The following PRKG2 variants were observed in gnomAD, a reference collection of about 807,000 sequenced individuals.
The protein encoded by PRKG2 is protein kinase cGMP-dependent 2.
In PRKG2, 33 loss-of-function variants were observed where a neutral mutation model predicts 97.2. The ratio of observed to expected loss-of-function variants is 0.34; its 90% CI spans 0.26 to 0.45. The LOEUF is 0.45. PRKG2 is among the 20% of genes least tolerant of loss of function. The pLI, the probability that PRKG2 is intolerant of heterozygous loss-of-function variation, is 1.00. For missense variants in PRKG2, 638 were observed against 900.0 expected (o/e 0.71, Z 3.73); for synonymous variants, 330 against 321.8 (o/e 1.03, Z -0.27).
intron 14 of PRKG2, 45 bp from the exon 15 acceptor site, chr4:81,110,656 A>C: frequency 1.2e-6 from 2 of 1,604,664 alleles, no homozygotes; most frequent in Non-Finnish European, 1.7e-6. Context: ...CATAAAACTC[A>C]TGCTCCTCTT....
chr4:81,129,448 C>T (rs1745937056), intron 14 of PRKG2, among the ~76,000 whole-genome samples: 1 of 152,200 alleles, frequency 6.6e-6, no homozygotes, highest in South Asian at 2.1e-4. Flanking sequence ...ATGTCTCCCA[C>T]TATTATTGTG....
chr4:81,122,441 T>C (rs1745150799), intron 14 of PRKG2, among the ~76,000 whole-genome samples: 1 of 152,172 alleles, frequency 6.6e-6, no homozygotes, highest in African/African-American at 2.4e-5. Context: ...GTGAGATTCA[T>C]TTTGGAAAAA....
At chr4:81,126,637 GCTTT>G (rs1003175887) in intron 14 of PRKG2, among the ~76,000 whole-genome samples, 3 of 152,126 alleles carry the variant, frequency 2.0e-5, no homozygotes, top group Non-Finnish European at 4.4e-5. Context: ...GTGATGATGA[GCTTT>G]CTTTCATATG....
chr4:81,206,112 A>G (rs1753631571), intron 1 of PRKG2, among the ~76,000 whole-genome samples: 1 of 152,272 alleles, frequency 6.6e-6, no homozygotes, highest in South Asian at 2.1e-4. Context: ...GCAGATAATA[A>G]GCACACACGA....
Position 81,105,918 on chromosome 4 carries a change from A to G in PRKG2, c.1958T>C (p.Val653Ala). 1 of 1,613,620 alleles carries G rather than the reference A, an allele frequency of 6.2e-7. No homozygotes were observed. Among genetic ancestry groups the G allele is most frequent in the Non-Finnish European group, 8.5e-7 (1 of 1,179,700 alleles). Residue 653 changes from valine (V) to alanine (A), a missense_variant, in exon 16 of 19, where the codon GTT (valine) becomes GCT (alanine). Transcript: ENST00000264399. Reference protein sequence around the residue: ...LLTGNPPFSGVDQMMTYNLIL... With the variant: ...LLTGNPPFSGADQMMTYNLIL... ...CAAATTGTAGGTCATCATTTGGTCA[A>G]CCCCAGAAAAGGGTGGGCTAGATAG...
chr4:81,118,998 T>C (rs1022513207), intron 14 of PRKG2, among the ~76,000 whole-genome samples: 7 of 152,186 alleles, frequency 4.6e-5, no homozygotes, highest in African/African-American at 1.4e-4. Flanking sequence ...GGTTTCACCA[T>C]GTTGGTCAGG....
chr4:81,139,770 G>A (rs1403764185), intron 12 of PRKG2, among the ~76,000 whole-genome samples: 5 of 123,210 alleles, frequency 4.1e-5, no homozygotes, highest in Admixed American at 9.2e-5. Flanking sequence ...GCTAGATTCC[G>A]TCTCAAAAGA....
chr4:81,130,275 G>C (rs781216310), intron 14 of PRKG2, among the ~76,000 whole-genome samples: 1 of 152,134 alleles, frequency 6.6e-6, no homozygotes, highest in Non-Finnish European at 1.5e-5. Flanking sequence ...AGGTCTGCTG[G>C]AGGTTCACTC....
intron 3 of PRKG2, among the ~76,000 whole-genome samples, chr4:81,174,386 A>T (rs147088719): frequency 6.6e-6 from 1 of 152,024 alleles, no homozygotes; most frequent in Non-Finnish European, 1.5e-5. Context: ...AGCACATGGT[A>T]TTGTGATTAG....
intron 12 of PRKG2, among the ~76,000 whole-genome samples, chr4:81,139,781 CAAAAA>C (rs548249378): frequency 5.3e-5 from 4 of 75,330 alleles, no homozygotes; most frequent in East Asian, 3.2e-4. Context: ...TCTCAAAAGA[CAAAAA>C]AAAAAAAAAA....
At chr4:81,139,758 C>T (rs550361044) in intron 12 of PRKG2, among the ~76,000 whole-genome samples, 1 of 130,798 alleles carries the variant, frequency 7.6e-6, no homozygotes, top group Non-Finnish European at 1.5e-5. Context: ...CTGGGTGACA[C>T]AGCTAGATTC....
intron 14 of PRKG2, among the ~76,000 whole-genome samples, chr4:81,117,422 C>T (rs1744655047): frequency 6.6e-6 from 1 of 152,088 alleles, no homozygotes; most frequent in Admixed American, 6.6e-5. Flanking sequence ...AATAGAAGTA[C>T]TTATACCACT....
intron 2 of PRKG2, among the ~76,000 whole-genome samples, chr4:81,188,494 A>G (rs1173768797): frequency 1.4e-5 from 2 of 143,246 alleles, no homozygotes; most frequent in Admixed American, 1.3e-4. Flanking sequence ...AACTAGAAAT[A>G]CCATTTGACC....
At chr4:81,142,336 A>C (rs1315424426) in intron 11 of PRKG2, among the ~76,000 whole-genome samples, 6 of 152,386 alleles carry the variant, frequency 3.9e-5, no homozygotes, top group African/African-American at 1.4e-4. Flanking sequence ...ATGAAGGTGA[A>C]ATACAGACAT....
intron 2 of PRKG2, among the ~76,000 whole-genome samples, chr4:81,180,664 C>G (rs1042020882): frequency 6.6e-6 from 1 of 151,954 alleles, no homozygotes; most frequent in Non-Finnish European, 1.5e-5. Context: ...AGACAAGTGT[C>G]CCACATTGAT....
chr4:81,138,878 T>C (rs1035852390), intron 12 of PRKG2, among the ~76,000 whole-genome samples: 1 of 152,220 alleles, frequency 6.6e-6, no homozygotes, highest in Non-Finnish European at 1.5e-5. Context: ...GATGACTCTC[T>C]ATTGCCAGCA....
chr4:81,147,242 G>T (rs1747944683), intron 9 of PRKG2, among the ~76,000 whole-genome samples: 1 of 150,302 alleles, frequency 6.7e-6, no homozygotes, highest in Non-Finnish European at 1.5e-5. Flanking sequence ...AAAAAGAAAT[G>T]AGCTCCTCCT....
At chr4:81,189,076 A>T (rs1371293703) in intron 2 of PRKG2, among the ~76,000 whole-genome samples, 12 of 109,720 alleles carry the variant, frequency 1.1e-4, no homozygotes, top group East Asian at 3.0e-4. Context: ...TAAAAAAAAA[A>T]AAAAAAAAAA....
intron 1 of PRKG2, among the ~76,000 whole-genome samples, chr4:81,209,086 A>G (rs1008528420): frequency 6.6e-6 from 1 of 152,182 alleles, no homozygotes; most frequent in African/African-American, 2.4e-5. Flanking sequence ...GCATTTCGCT[A>G]GAAGAGAGGA....
Sources: allele counts gnomAD v4.1 joint callset (sites outside exome capture counted in the v4.1 genomes callset), GRCh38; gene constraint gnomAD v4.1.1; transcripts MANE v1.5; gene names NCBI Gene and HGNC (gene_info 2026-07-23, HGNC 2026-07-21).